PTPRC: variants seen among roughly 807,000 people sequenced by gnomAD.
PTPRC encodes protein tyrosine phosphatase receptor type C, also known as receptor-type tyrosine-protein phosphatase C.
PTPRC carries 44 observed loss-of-function variants against 155.9 expected under a neutral mutation model. That is an observed-to-expected ratio of 0.28 (90% confidence interval 0.22 to 0.36). The LOEUF is 0.36. PTPRC is among the 10% of genes least tolerant of loss of function. PTPRC has a pLI of 1.00. For missense variants in PTPRC, 1,401 were observed against 1,564.6 expected (o/e 0.90, Z 1.76); for synonymous variants, 525 against 533.1 (o/e 0.98, Z 0.21).
chr1:198,714,582 A>G (rs1373762250), intron 12 of PTPRC, among the ~76,000 whole-genome samples: 5 of 152,190 alleles, frequency 3.3e-5, no homozygotes, highest in Non-Finnish European at 7.3e-5. Context: ...GACTGAATGC[A>G]GCTTTGGACC....
chr1:198,749,397 A>T lies in PTPRC; in HGVS notation c.2939-19A>T. ...TTAATTTTTTCAAGGAAGACTTACT[A>T]CTGATTTATTTCACATAGATGACTA... On this transcript the variant is annotated intron_variant, in intron 27 of 32. Transcript: ENST00000442510. The T allele has an allele frequency of 6.2e-7, 1 of 1,602,824 alleles. No individual in the cohort carries two copies. The highest frequency in any genetic ancestry group is 8.5e-7 in the Non-Finnish European group (1 of 1,171,102).
intron 4 of PTPRC, 75 bp downstream of exon 4, chr1:198,696,984 T>G (rs1666236345): frequency 7.6e-7 from 1 of 1,313,534 alleles, no homozygotes; most frequent in Non-Finnish European, 1.1e-6. Flanking sequence ...CAGTACAACT[T>G]GTCTTTAAAT....
chr1:198,727,352 C>A (rs1193719129), intron 15 of PTPRC, among the ~76,000 whole-genome samples: 10 of 152,020 alleles, frequency 6.6e-5, no homozygotes, highest in African/African-American at 2.2e-4. Flanking sequence ...ATCTATTTTT[C>A]TTCACTAGAG....
intron 2 of PTPRC, among the ~76,000 whole-genome samples, chr1:198,665,922 T>C (rs746485530): frequency 2.9e-4 from 44 of 152,152 alleles, no homozygotes; most frequent in Non-Finnish European, 5.3e-4. Context: ...ATGTTATTAG[T>C]ATATCTTTAC....
chr1:198,642,656 T>G (rs922115986), intron 2 of PTPRC, among the ~76,000 whole-genome samples: 2 of 152,020 alleles, frequency 1.3e-5, no homozygotes, highest in East Asian at 3.9e-4. Context: ...ATTGCCATCA[T>G]CTTAATTCAT....
chr1:198,753,494 T>C (rs975870550), intron 31 of PTPRC, among the ~76,000 whole-genome samples: 3 of 151,964 alleles, frequency 2.0e-5, no homozygotes, highest in African/African-American at 4.8e-5. Context: ...GTGAAAAACT[T>C]TTGGAATTTT....
At chr1:198,655,253 T>A (rs960297892) in intron 2 of PTPRC, among the ~76,000 whole-genome samples, 15 of 151,678 alleles carry the variant, frequency 9.9e-5, no homozygotes, top group African/African-American at 3.4e-4. Context: ...AGAAAAAAAA[T>A]TAAAGAAAGA....
chr1:198,652,047 T>C (rs1254042672), intron 2 of PTPRC, among the ~76,000 whole-genome samples: 1 of 151,862 alleles, frequency 6.6e-6, no homozygotes, highest in Non-Finnish European at 1.5e-5. Context: ...GTAACTTAAA[T>C]ATGATCTATC....
Position 198,750,505 on chromosome 1 carries a change from C to T in PTPRC, c.3086C>T (p.Pro1029Leu). ...NASFIMSYWK[P>L]EVMIAAQGPL... ...TTGTCTAAAAAGAGCTACTGGAAAC[C>T]TGAAGTGATGATTGCTGCTCAGGGA... Residue 1029 changes from proline (P) to leucine (L), a missense_variant, in exon 29 of 33, where the codon CCT becomes CTT. This residue lies in a region of PTPRC where 400 missense variants were observed against 389.5 expected (regional missense o/e 1.03). Coordinates refer to ENST00000442510, the MANE Select transcript of PTPRC (RefSeq NM_002838.5). 6.2e-7 allele frequency: 1 copy of T among 1,612,420 alleles called. No homozygotes were observed. The highest frequency in any genetic ancestry group is 2.2e-5 in the East Asian group (1 of 44,790).
At chr1:198,647,490 T>C (rs534024030) in intron 2 of PTPRC, among the ~76,000 whole-genome samples, 32 of 152,060 alleles carry the variant, frequency 2.1e-4, no homozygotes, top group Admixed American at 1.1e-3. Context: ...TAAAAATTTC[T>C]ACATAATAGA....
intron 2 of PTPRC, among the ~76,000 whole-genome samples, chr1:198,669,080 T>C (rs139439204): frequency 4.8e-4 from 73 of 152,334 alleles, no homozygotes; most frequent in African/African-American, 1.8e-3. Flanking sequence ...TTACAAAGGA[T>C]TGACTTCTTC....
intron 15 of PTPRC, among the ~76,000 whole-genome samples, chr1:198,723,762 T>C (rs547251187): frequency 6.6e-6 from 1 of 152,198 alleles, no homozygotes; most frequent in Non-Finnish European, 1.5e-5. Context: ...GCAGCGGGAA[T>C]CCTTGCAGCA....
At chr1:198,669,456 T>G (rs1469364186) in intron 2 of PTPRC, among the ~76,000 whole-genome samples, 2 of 152,194 alleles carry the variant, frequency 1.3e-5, no homozygotes, top group Admixed American at 6.5e-5. Flanking sequence ...ACAAAACTAT[T>G]TACTTCTTTT....
At chr1:198,754,444 T>C in intron 32 of PTPRC, 40 bp downstream of exon 32, 1 of 1,607,588 alleles carries the variant, frequency 6.2e-7, no homozygotes, top group African/African-American at 1.3e-5. Context: ...TGCTCGGAAT[T>C]TTTTTTTTCT....
chr1:198,691,048 A>G (rs1665897590), intron 2 of PTPRC, among the ~76,000 whole-genome samples: 1 of 152,042 alleles, frequency 6.6e-6, no homozygotes, highest in African/African-American at 2.4e-5. Context: ...TGTTTGCTAC[A>G]GTTTTCCTCT....
chr1:198,734,303 C>T (rs1348916115), intron 21 of PTPRC, 25 bp from the exon 22 acceptor site: 40 of 1,609,364 alleles, frequency 2.5e-5, no homozygotes, highest in Non-Finnish European at 3.4e-5. Context: ...TTTTTCTTAT[C>T]AGCTTTTATT....
chr1:198,674,484 G>C (rs933334889), intron 2 of PTPRC, among the ~76,000 whole-genome samples: 2 of 149,432 alleles, frequency 1.3e-5, no homozygotes, highest in African/African-American at 4.9e-5. Context: ...TCTGCATTAT[G>C]ACTGTACAAT....
chr1:198,680,369 C>T (rs746160011), intron 2 of PTPRC, among the ~76,000 whole-genome samples: 1 of 151,428 alleles, frequency 6.6e-6, no homozygotes, highest in Admixed American at 6.6e-5. Flanking sequence ...AGGAGAACCG[C>T]GTGAACCCGG....
At chr1:198,716,980 G>A (rs887997327) in intron 13 of PTPRC, 140 bp downstream of exon 13, 14 of 744,128 alleles carry the variant, frequency 1.9e-5, no homozygotes, top group Admixed American at 2.8e-5. Flanking sequence ...TTATAAACAC[G>A]TAAAATCTAA....
Sources: allele counts gnomAD v4.1 joint callset (sites outside exome capture counted in the v4.1 genomes callset), GRCh38; gene constraint gnomAD v4.1.1; regional missense constraint gnomAD v4.1.1; transcripts MANE v1.5; gene names NCBI Gene and HGNC (gene_info 2026-07-23, HGNC 2026-07-21).